Variants in VEGFC observed in about 807,000 individuals in gnomAD.
The protein encoded by VEGFC is FLT4 ligand DHM.
Under a neutral mutation model 46.1 loss-of-function variants are expected in VEGFC, and 12 were observed. That is an observed-to-expected ratio of 0.26 (90% CI 0.17 to 0.42). The LOEUF (loss-of-function observed/expected upper bound fraction) is 0.42. VEGFC is among the 10% of genes least tolerant of loss of function. VEGFC has a pLI of 1.00. For synonymous variants in VEGFC, 232 were observed against 195.5 expected (o/e 1.19, Z -1.56); for missense variants, 488 against 529.4 (o/e 0.92, Z 0.77).
chr4:176,700,909 G>C (rs972452260), intron 4 of VEGFC, among the ~76,000 whole-genome samples: 1 of 152,170 alleles, frequency 6.6e-6, no homozygotes, highest in Admixed American at 6.5e-5. Context: ...TATAAGAGTT[G>C]ATATGACATC....
intron 1 of VEGFC, among the ~76,000 whole-genome samples, chr4:176,755,484 C>T (rs1463219794): frequency 6.6e-6 from 1 of 151,908 alleles, no homozygotes; most frequent in Non-Finnish European, 1.5e-5. Flanking sequence ...AACGATAGCT[C>T]GCTTGATAAC....
At chr4:176,768,208 T>C (rs1735662616) in intron 1 of VEGFC, among the ~76,000 whole-genome samples, 1 of 152,100 alleles carries the variant, frequency 6.6e-6, no homozygotes, top group Admixed American at 6.6e-5. Flanking sequence ...GCTAGTTATA[T>C]TTTAAAGTTA....
At chr4:176,777,745 C>T (rs1203672731) in intron 1 of VEGFC, among the ~76,000 whole-genome samples, 1 of 151,696 alleles carries the variant, frequency 6.6e-6, no homozygotes, top group Non-Finnish European at 1.5e-5. Context: ...CATTGAAACC[C>T]TGTCTCTATT....
chr4:176,703,700 C>T (rs1457208395), intron 4 of VEGFC, among the ~76,000 whole-genome samples: 2 of 152,000 alleles, frequency 1.3e-5, no homozygotes, highest in East Asian at 1.9e-4. Flanking sequence ...CTGACCATTA[C>T]GCATTATATG....
chr4:176,777,361 T>C lies in VEGFC; in HGVS notation c.147+14804A>G, dbSNP rs139642469. ...TACTGCATGGGCTTTGAAATAGCTA[T>C]GTAACTAATTGTTATTTTTTGCTTC... On this transcript the variant is annotated intron_variant, in intron 1 of 6. Coordinates refer to ENST00000618562, the MANE Select transcript of VEGFC (RefSeq NM_005429.5). 3.3e-3 allele frequency among the ~76,000 whole-genome samples: 501 copies of C among 152,294 alleles called. 4 individuals carry two copies. Among genetic ancestry groups the C allele is most frequent in the Admixed American group, 7.8e-3 (119 of 15,296 alleles).
At chr4:176,759,744 A>G (rs971371263) in intron 1 of VEGFC, among the ~76,000 whole-genome samples, 1 of 151,858 alleles carries the variant, frequency 6.6e-6, no homozygotes, top group African/African-American at 2.4e-5. Context: ...AAAGTAAAAA[A>G]AAATAAAATA....
At chr4:176,687,754 A>T (rs1734070972) in intron 5 of VEGFC, 67 bp downstream of exon 5, 2 of 1,174,656 alleles carry the variant, frequency 1.7e-6, no homozygotes, top group African/African-American at 1.5e-5. Context: ...TGTGGTTTTA[A>T]TATTAGAGTA....
intron 1 of VEGFC, among the ~76,000 whole-genome samples, chr4:176,769,699 G>C (rs1735690908): frequency 1.3e-5 from 2 of 152,100 alleles, no homozygotes; most frequent in South Asian, 4.1e-4. Flanking sequence ...GCTAACATGA[G>C]ACAATGCTTT....
At chr4:176,726,059 T>C (rs1734869359) in intron 3 of VEGFC, among the ~76,000 whole-genome samples, 1 of 152,120 alleles carries the variant, frequency 6.6e-6, no homozygotes, top group African/African-American at 2.4e-5. Flanking sequence ...AGTACAAAAC[T>C]ATAACGTCTT....
At chr4:176,739,643 G>C (rs1735121697) in intron 1 of VEGFC, among the ~76,000 whole-genome samples, 2 of 151,776 alleles carry the variant, frequency 1.3e-5, no homozygotes, top group African/African-American at 4.8e-5. Flanking sequence ...GTTAATGGAT[G>C]CTGGGTTTAA....
At chr4:176,725,388 T>G in intron 3 of VEGFC, among the ~76,000 whole-genome samples, 1 of 152,254 alleles carries the variant, frequency 6.6e-6, no homozygotes, top group Non-Finnish European at 1.5e-5. Flanking sequence ...ACTGCAGCCC[T>G]GAACTCCTGG....
intron 6 of VEGFC, among the ~76,000 whole-genome samples, 169 bp downstream of exon 6, chr4:176,687,018 C>T (rs1413790427): frequency 6.6e-6 from 1 of 152,104 alleles, no homozygotes; most frequent in African/African-American, 2.4e-5. Context: ...GGAAGCAAAT[C>T]CAGTCTCATG....
chr4:176,714,767 A>T (rs1734670339), intron 3 of VEGFC, among the ~76,000 whole-genome samples: 1 of 152,200 alleles, frequency 6.6e-6, no homozygotes, highest in Admixed American at 6.5e-5. Context: ...GACCTCATCC[A>T]TGCCTAGGTA....
chr4:176,707,720 G>A (rs889507274), intron 4 of VEGFC, among the ~76,000 whole-genome samples: 3 of 152,048 alleles, frequency 2.0e-5, no homozygotes, highest in Non-Finnish European at 2.9e-5. Context: ...GCCATTACAT[G>A]AACAGCATTG....
chr4:176,713,526 C>T (rs1472930777), intron 3 of VEGFC, among the ~76,000 whole-genome samples: 2 of 151,978 alleles, frequency 1.3e-5, no homozygotes, highest in Non-Finnish European at 2.9e-5. Context: ...ATTATTTAAG[C>T]TCTGCAATAA....
At chr4:176,744,930 C>A (rs1735237151) in intron 1 of VEGFC, among the ~76,000 whole-genome samples, 1 of 151,950 alleles carries the variant, frequency 6.6e-6, no homozygotes, top group African/African-American at 2.4e-5. Context: ...ACGCTAATTC[C>A]AAAATCCCCT....
At chr4:176,707,392 A>G (rs143144617) in intron 4 of VEGFC, among the ~76,000 whole-genome samples, 281 of 152,306 alleles carry the variant, frequency 1.8e-3, no homozygotes, top group African/African-American at 6.1e-3. Flanking sequence ...AACAAATGTT[A>G]GAATTTTATA....
intron 4 of VEGFC, among the ~76,000 whole-genome samples, chr4:176,709,308 C>T (rs140903598): frequency 1.2e-3 from 186 of 152,264 alleles, no homozygotes; most frequent in African/African-American, 4.2e-3. Flanking sequence ...GGTAAAGGGG[C>T]TGAGAGCACA....
At chr4:176,790,603 C>T (rs1313816174) in intron 1 of VEGFC, among the ~76,000 whole-genome samples, 1 of 152,102 alleles carries the variant, frequency 6.6e-6, no homozygotes, top group Non-Finnish European at 1.5e-5. Flanking sequence ...CTCATACAGG[C>T]TATTGGCTTA....
Sources: allele counts gnomAD v4.1 joint callset (sites outside exome capture counted in the v4.1 genomes callset), GRCh38; gene constraint gnomAD v4.1.1; transcripts MANE v1.5; gene names NCBI Gene and HGNC (gene_info 2026-07-23, HGNC 2026-07-21).